MCPH1: variants seen among roughly 807,000 people sequenced by gnomAD.
MCPH1 encodes microcephalin.
In MCPH1, 104 loss-of-function variants were observed where a neutral mutation model predicts 84.5. The ratio of observed to expected loss-of-function variants is 1.23; its 90% confidence interval spans 1.05 to 1.45. The LOEUF (loss-of-function observed/expected upper bound fraction) is 1.45. Ranked by LOEUF, MCPH1 falls within the 40% of genes most tolerant of loss-of-function variation. MCPH1 has a pLI of 0.00. For synonymous variants in MCPH1, 514 were observed against 366.8 expected (o/e 1.40, Z -4.58); for missense variants, 1,498 against 1,005.7 (o/e 1.49, Z -6.62).
intron 13 of MCPH1, among the ~76,000 whole-genome samples, chr8:6,632,531 T>C (rs919526568): frequency 3.3e-5 from 5 of 152,180 alleles, no homozygotes; most frequent in African/African-American, 7.2e-5. Context: ...AATCTGAGGC[T>C]GAGCGCAGTG....
intron 9 of MCPH1, among the ~76,000 whole-genome samples, chr8:6,458,822 T>G (rs1171565727): frequency 1.3e-5 from 2 of 152,052 alleles, no homozygotes; most frequent in Non-Finnish European, 2.9e-5. Flanking sequence ...TTTTTTAAGT[T>G]TTTTGTAGAG....
chr8:6,514,672 C>G (rs1380493417), intron 12 of MCPH1: 11 of 1,612,856 alleles, frequency 6.8e-6, no homozygotes, highest in Non-Finnish European at 7.6e-6. Flanking sequence ...AAAGAATGTC[C>G]TTACCACTTT....
chr8:6,538,425 C>T (rs1820902157), intron 12 of MCPH1, among the ~76,000 whole-genome samples: 1 of 152,206 alleles, frequency 6.6e-6, no homozygotes, highest in African/African-American at 2.4e-5. Context: ...AAGCTGGTGA[C>T]CGCAGCTCAC....
intron 11 of MCPH1, among the ~76,000 whole-genome samples, chr8:6,488,812 A>C (rs1024418146): frequency 6.6e-6 from 1 of 152,020 alleles, no homozygotes. Context: ...GATTGCAGGG[A>C]GGTAAGAACA....
At chr8:6,432,358 T>A (rs890073502) in intron 4 of MCPH1, among the ~76,000 whole-genome samples, 1 of 152,268 alleles carries the variant, frequency 6.6e-6, no homozygotes, top group Admixed American at 6.5e-5. Flanking sequence ...TATTTTTTTT[T>A]AATTTGTGTT....
intron 7 of MCPH1, among the ~76,000 whole-genome samples, chr8:6,443,191 G>C (rs79244791): frequency 1.3e-5 from 2 of 152,188 alleles, no homozygotes; most frequent in East Asian, 3.9e-4. Flanking sequence ...GCTTGTCCAA[G>C]GTCATGTGGT....
intron 8 of MCPH1, among the ~76,000 whole-genome samples, chr8:6,450,134 C>A (rs749543839): frequency 4.6e-5 from 7 of 152,334 alleles, no homozygotes; most frequent in Non-Finnish European, 8.8e-5. Flanking sequence ...TCATGTCCAA[C>A]TACCAGGGTC....
rs1326579438 is a variant in MCPH1, at chr8:6,636,762, C to T, written c.2453-6232C>T. Among the ~76,000 whole-genome samples the T allele has an allele frequency of 2.0e-5, 3 of 152,194 alleles. 1 individual carries two copies. The highest frequency in any genetic ancestry group is 7.2e-5 in the African/African-American group (3 of 41,442). On this transcript the variant is annotated intron_variant, in intron 13 of 13. Transcript: ENST00000344683. ...TGGTTTTAGACTCTGGTCCTATCTTCAAGATCTCTCATTGTCCATTCCAAA... is the reference window on the plus strand; with the variant it reads ...TGGTTTTAGACTCTGGTCCTATCTTTAAGATCTCTCATTGTCCATTCCAAA...
chr8:6,561,338 C>A (rs1762217621), intron 12 of MCPH1, among the ~76,000 whole-genome samples: 1 of 152,320 alleles, frequency 6.6e-6, no homozygotes, highest in East Asian at 1.9e-4. Context: ...AATGACTCCT[C>A]TTGACACAGT....
intron 6 of MCPH1, among the ~76,000 whole-genome samples, chr8:6,441,015 G>A (rs1803432530): frequency 6.6e-6 from 1 of 152,174 alleles, no homozygotes; most frequent in Non-Finnish European, 1.5e-5. Flanking sequence ...TCCCAGCTAA[G>A]CCATCTCCTT....
chr8:6,457,273 A>G (rs1012352580), intron 9 of MCPH1, among the ~76,000 whole-genome samples: 1 of 152,178 alleles, frequency 6.6e-6, no homozygotes, highest in African/African-American at 2.4e-5. Flanking sequence ...TTCTGTGTGA[A>G]GAATCACTCA....
chr8:6,574,990 A>C (rs896968199), intron 12 of MCPH1, among the ~76,000 whole-genome samples: 1 of 152,218 alleles, frequency 6.6e-6, no homozygotes. Flanking sequence ...GAAGTCAAGA[A>C]TTACTGGTTC....
chr8:6,626,244 A>G (rs1335726040), intron 13 of MCPH1: 2 of 985,372 alleles, frequency 2.0e-6, no homozygotes, highest in South Asian at 4.7e-5. Context: ...AAGTCACTCA[A>G]CAGGGCTCAG....
chr8:6,420,905 C>G (rs1800097870), intron 3 of MCPH1, among the ~76,000 whole-genome samples: 1 of 152,122 alleles, frequency 6.6e-6, no homozygotes, highest in Non-Finnish European at 1.5e-5. Context: ...ACGCAAGGGT[C>G]AGAGCAGGAG....
chr8:6,563,633 C>T (rs1825870318), intron 12 of MCPH1, among the ~76,000 whole-genome samples: 1 of 152,134 alleles, frequency 6.6e-6, no homozygotes. Flanking sequence ...AAAAATATTA[C>T]AAATAGGTCA....
intron 3 of MCPH1, among the ~76,000 whole-genome samples, chr8:6,423,231 C>A (rs966565421): frequency 2.1e-5 from 3 of 144,464 alleles, no homozygotes; most frequent in Non-Finnish European, 4.5e-5. Context: ...GCTCTGTCGC[C>A]CAGGCTGGAG....
At chr8:6,628,928 T>G (rs1316611383) in intron 13 of MCPH1, among the ~76,000 whole-genome samples, 1 of 152,234 alleles carries the variant, frequency 6.6e-6, no homozygotes, top group Non-Finnish European at 1.5e-5. Flanking sequence ...CTTTGGAGTA[T>G]GCTGAACTTG....
At chr8:6,423,813 A>C (rs1422132504) in intron 3 of MCPH1, among the ~76,000 whole-genome samples, 3 of 152,214 alleles carry the variant, frequency 2.0e-5, no homozygotes, top group African/African-American at 7.2e-5. Context: ...CACTGGAATT[A>C]TCAAAAAAAT....
intron 9 of MCPH1, among the ~76,000 whole-genome samples, chr8:6,470,020 A>T (rs1807502805): frequency 1.3e-5 from 2 of 152,218 alleles, no homozygotes; most frequent in African/African-American, 4.8e-5. Flanking sequence ...TGTTAAGGAA[A>T]AGAATCCTGC....
Sources: allele counts gnomAD v4.1 joint callset (sites outside exome capture counted in the v4.1 genomes callset), GRCh38; gene constraint gnomAD v4.1.1; transcripts MANE v1.5; gene names NCBI Gene and HGNC (gene_info 2026-07-23, HGNC 2026-07-21).